The following HSD17B12 variants were observed in gnomAD, a reference collection of about 807,000 sequenced individuals.
HSD17B12 encodes hydroxysteroid 17-beta dehydrogenase 12.
HSD17B12 carries 32 observed loss-of-function variants against 39.3 expected under a neutral mutation model. That is an observed-to-expected ratio of 0.81 (90% CI 0.61 to 1.09). HSD17B12 has a LOEUF of 1.09. Ranked by LOEUF, HSD17B12 falls within the 50% of genes least tolerant of loss-of-function variation. HSD17B12 has a pLI of 0.00. For missense variants in HSD17B12, 342 were observed against 382.9 expected, an observed-to-expected ratio of 0.89 and a Z score of 0.89; for synonymous variants, 150 against 146.7, an observed-to-expected ratio of 1.02 and a Z score of -0.16.
chr11:43,664,362 G>C, the HSD17B12 span, among the ~76,000 whole-genome samples: 1 of 152,138 alleles, frequency 6.6e-6, no homozygotes, highest in Non-Finnish European at 1.5e-5. Flanking sequence ...AAGAATATTT[G>C]TACTGGCTCA....
chr11:43,721,170 A>G (rs1293536244), intron 1 of HSD17B12, among the ~76,000 whole-genome samples: 1 of 151,962 alleles, frequency 6.6e-6, no homozygotes, highest in Non-Finnish European at 1.5e-5. Context: ...GTAATTGCAC[A>G]TGGAAGTGGA....
the HSD17B12 span, among the ~76,000 whole-genome samples, chr11:43,575,626 C>T: frequency 6.6e-6 from 1 of 152,222 alleles, no homozygotes; most frequent in African/African-American, 2.4e-5. This position sits in a 1 kb window ranked among gnomAD's most constrained non-coding sequence, Gnocchi z 4.1. Flanking sequence ...GCCTCGGCCG[C>T]CTCGCCTGCT....
intron 9 of HSD17B12, among the ~76,000 whole-genome samples, chr11:43,851,033 G>C (rs1416706793): frequency 6.6e-6 from 1 of 152,150 alleles, no homozygotes; most frequent in Non-Finnish European, 1.5e-5. Context: ...TGCACTCCAG[G>C]CTGGGTGACA....
the HSD17B12 span, among the ~76,000 whole-genome samples, chr11:43,621,727 C>T: frequency 6.6e-6 from 1 of 152,206 alleles, no homozygotes; most frequent in Non-Finnish European, 1.5e-5. Context: ...AAAACAAAAA[C>T]AAATATTTTC....
the HSD17B12 span, among the ~76,000 whole-genome samples, chr11:43,581,154 G>A: frequency 6.6e-6 from 1 of 152,086 alleles, no homozygotes; most frequent in Non-Finnish European, 1.5e-5. This position sits in a 1 kb window ranked among gnomAD's most constrained non-coding sequence, Gnocchi z 4.9. Context: ...CGGGATCCGG[G>A]TGCCCCTCTG....
chr11:43,633,791 G>T, the HSD17B12 span, among the ~76,000 whole-genome samples: 2 of 151,832 alleles, frequency 1.3e-5, no homozygotes, highest in East Asian at 2.0e-4. Context: ...AAAGACAAAT[G>T]TGGCTGGGCA....
the HSD17B12 span, among the ~76,000 whole-genome samples, chr11:43,598,805 G>T: frequency 6.6e-6 from 1 of 152,172 alleles, no homozygotes; most frequent in East Asian, 1.9e-4. Context: ...CAGACCTCAG[G>T]ATGAGACAGG....
the HSD17B12 span, among the ~76,000 whole-genome samples, chr11:43,611,561 T>G: frequency 6.6e-6 from 1 of 152,240 alleles, no homozygotes; most frequent in Non-Finnish European, 1.5e-5. Context: ...ATCTTAATCC[T>G]TCATAACTGC....
chr11:43,647,019 C>T, the HSD17B12 span, among the ~76,000 whole-genome samples: 145 of 152,276 alleles, frequency 9.5e-4, 1 homozygote, highest in African/African-American at 3.4e-3. Flanking sequence ...TGAGGCATAA[C>T]ACCAAAGGGT....
intron 3 of HSD17B12, among the ~76,000 whole-genome samples, chr11:43,771,462 CTTTTTT>C (rs34783257): frequency 1.1e-5 from 1 of 90,640 alleles, no homozygotes; most frequent in African/African-American, 4.5e-5. Flanking sequence ...GACTCATATT[CTTTTTT>C]TTTTTTTTTT....
At chr11:43,639,532 G>A in the HSD17B12 span, among the ~76,000 whole-genome samples, 1 of 152,084 alleles carries the variant, frequency 6.6e-6, no homozygotes, top group African/African-American at 2.4e-5. Flanking sequence ...CCTTTAGTCT[G>A]GGTGGAGACA....
the HSD17B12 span, among the ~76,000 whole-genome samples, chr11:43,654,239 G>T: frequency 6.6e-6 from 1 of 152,140 alleles, no homozygotes; most frequent in East Asian, 1.9e-4. Flanking sequence ...TTTTGATGGG[G>T]TTGTTTGCTT....
rs1950323972 is a variant in HSD17B12, at chr11:43,737,114, A to C, written c.161-13797A>C. Among the ~76,000 whole-genome samples the C allele has an allele frequency of 2.0e-5, 3 of 152,190 alleles. No individual in the cohort carries two copies. The South Asian group carries it at 6.2e-4, about 32-fold the overall frequency. On this transcript the variant is annotated intron_variant, in intron 1 of 10. Coordinates refer to ENST00000278353, the MANE Select transcript of HSD17B12 (RefSeq NM_016142.3). ...GCATTCAGGTGTTCGGGGGGAAAAA[A>C]GAGTCACAAGAAGGAACCTGTTTGG...
In HSD17B12 at chr11:43,847,524, G is replaced by A. The variant is rs1951488076; in HGVS notation, c.685-7191G>A. 2.6e-5 allele frequency among the ~76,000 whole-genome samples: 4 copies of A among 152,028 alleles called. No homozygotes were observed. The South Asian group carries it at 8.3e-4, about 32-fold the overall frequency. On this transcript the variant is annotated intron_variant, in intron 9 of 10. Transcript: ENST00000278353. ...GTTTAACACCAGCCTGGGTAACATA[G>A]TGAGACACTGTCTCTACAAAAAATA...
chr11:43,811,824 T>C (rs1473832421), intron 4 of HSD17B12, among the ~76,000 whole-genome samples: 2 of 152,072 alleles, frequency 1.3e-5, no homozygotes, highest in Non-Finnish European at 2.9e-5. Context: ...ATTCCTTCTA[T>C]CTAACTATAT....
intron 4 of HSD17B12, among the ~76,000 whole-genome samples, chr11:43,805,391 G>A (rs961746856): frequency 3.3e-5 from 5 of 152,112 alleles, no homozygotes; most frequent in African/African-American, 1.2e-4. Flanking sequence ...TTTTAAAATG[G>A]AGAACAATAG....
At chr11:43,853,767 C>A (rs1254703178) in intron 9 of HSD17B12, 2 of 151,192 alleles carry the variant, frequency 1.3e-5, no homozygotes, top group Non-Finnish European at 2.9e-5. Flanking sequence ...CCAGCCTAAG[C>A]AACAAGCAAA....
chr11:43,708,013 T>C (rs1950030850), intron 1 of HSD17B12, among the ~76,000 whole-genome samples: 1 of 152,226 alleles, frequency 6.6e-6, no homozygotes, highest in Non-Finnish European at 1.5e-5. Flanking sequence ...TTGTGTCTTT[T>C]TTTGTAAGGG....
At chr11:43,776,972 T>C in intron 3 of HSD17B12, among the ~76,000 whole-genome samples, 1 of 152,164 alleles carries the variant, frequency 6.6e-6, no homozygotes, top group Non-Finnish European at 1.5e-5. Flanking sequence ...TATATCTCTG[T>C]TTTGGTACCA....
Sources: gnomAD v4.1 joint callset for allele counts (sites outside exome capture counted in the v4.1 genomes callset) on GRCh38, gnomAD v4.1.1 for gene constraint, Gnocchi (gnomAD v3.1) non-coding constraint, MANE v1.5 for transcripts, NCBI Gene and HGNC (gene_info 2026-07-23, HGNC 2026-07-21) for gene names.